Variants in WDR75 observed in about 807,000 individuals in gnomAD.
The protein encoded by WDR75 is WD repeat domain 75, also known as WD repeat-containing protein 75.
In WDR75, 52 loss-of-function variants were observed where a neutral mutation model predicts 106.1. The observed-to-expected ratio is 0.49, with a 90% CI of 0.39 to 0.62. The LOEUF is 0.62. WDR75 is among the 20% of genes least tolerant of loss of function. The pLI is 0.00. For synonymous variants in WDR75, 333 were observed against 335.5 expected, an observed-to-expected ratio of 0.99 and a Z score of 0.08; for missense variants, 905 against 970.3, an observed-to-expected ratio of 0.93 and a Z score of 0.89.
intron 4 of WDR75, among the ~76,000 whole-genome samples, chr2:189,454,635 C>T (rs1686695878): frequency 6.6e-6 from 1 of 151,940 alleles, no homozygotes; most frequent in Admixed American, 6.5e-5. Flanking sequence ...CATTCTCCTG[C>T]CTCAGCCTCC....
intron 8 of WDR75, among the ~76,000 whole-genome samples, chr2:189,461,182 C>T (rs76412171): frequency 0.02 from 2,971 of 152,142 alleles, 99 homozygotes; most frequent in African/African-American, 0.068. Context: ...TCTTTAAAAC[C>T]AGTTGTTTTA....
At chr2:189,455,563 A>C in intron 5 of WDR75, 119 bp downstream of exon 5, 1 of 1,307,966 alleles carries the variant, frequency 7.6e-7, no homozygotes, top group Non-Finnish European at 1.0e-6. Context: ...TATTTGTATT[A>C]GTAACTAAGA....
chr2:189,468,583 T>G lies in WDR75; in HGVS notation c.1723+14T>G. On this transcript the variant is annotated intron_variant, in intron 15 of 20. Coordinates refer to ENST00000314761, the MANE Select transcript of WDR75 (RefSeq NM_032168.3). The stretch of plus-strand genomic sequence containing the variant: ...TGAGCTGTGCATGTAAGATATTTTT[T>G]ACTCTAAAGTGATCTGGCAAAGCGC... 1 of 1,612,306 alleles carries G rather than the reference T, an allele frequency of 6.2e-7. No individual in the cohort carries two copies. The highest frequency in any genetic ancestry group is 8.5e-7 in the Non-Finnish European group (1 of 1,178,588).
chr2:189,448,383 A>G lies in WDR75; in HGVS notation c.91A>G (p.Ile31Val). 1.2e-6 allele frequency: 2 copies of G among 1,612,780 alleles called. No homozygotes were observed. Among genetic ancestry groups the G allele is most frequent in the Non-Finnish European group, 1.7e-6 (2 of 1,179,358 alleles). ...RAVFSADSKYIFCVSGDFVKV... is the reference protein window; with the variant it reads ...RAVFSADSKYVFCVSGDFVKV... The stretch of plus-strand genomic sequence containing the variant: ...TTTTCTTTCTTTTTTTTCCAGGTAT[A>G]TCTTCTGTGTCTCTGGAGACTTTGT... The change falls in exon 2 of 21, where the codon ATC (isoleucine) becomes GTC (valine). Residue 31 changes from isoleucine (I) to valine (V), a missense_variant. Ile to Val is a conservative substitution (Grantham distance 29). Transcript: ENST00000314761.
intron 18 of WDR75, among the ~76,000 whole-genome samples, chr2:189,471,534 T>G (rs1006977818): frequency 4.6e-5 from 7 of 152,232 alleles, no homozygotes; most frequent in African/African-American, 1.7e-4. Context: ...TTTTTTCATT[T>G]GCTTAGTTTT....
At chr2:189,451,094 A>G (rs1424706283) in intron 3 of WDR75, 126 bp downstream of exon 3, 1 of 1,213,684 alleles carries the variant, frequency 8.2e-7, no homozygotes, top group Non-Finnish European at 1.1e-6. Context: ...ACAAAATAAC[A>G]TCAAAAAAAT....
intron 4 of WDR75, among the ~76,000 whole-genome samples, chr2:189,454,375 C>T (rs952369503): frequency 1.1e-4 from 17 of 152,042 alleles, no homozygotes; most frequent in Non-Finnish European, 1.8e-4. Context: ...TATGGCAGGC[C>T]CATCATAGCA....
intron 4 of WDR75, 39 bp from the exon 5 acceptor site, chr2:189,455,281 C>A: frequency 6.3e-7 from 1 of 1,599,926 alleles, no homozygotes; most frequent in East Asian, 2.2e-5. Flanking sequence ...TTTGCTCTCT[C>A]TAGAGAAGCT....
intron 2 of WDR75, chr2:189,449,120 T>A: frequency 3.3e-6 from 2 of 606,578 alleles, no homozygotes; most frequent in Non-Finnish European, 5.1e-6. Flanking sequence ...TTTCTTAGTA[T>A]TTAAGAATAA....
At chr2:189,449,346 TAAATG>T in intron 2 of WDR75, 1 of 1,296,366 alleles carries the variant, frequency 7.7e-7, no homozygotes, top group Non-Finnish European at 1.0e-6. Context: ...TTTCCAAAAT[TAAATG>T]AGCTACTTCT....
At chr2:189,458,651 C>A in intron 6 of WDR75, 102 bp from the exon 7 acceptor site, 1 of 1,003,670 alleles carries the variant, frequency 1.0e-6, no homozygotes, top group Non-Finnish European at 1.4e-6. Context: ...CTGAGCTCTA[C>A]AATTTTGGTT....
chr2:189,470,732 C>A, intron 17 of WDR75, 87 bp from the exon 18 acceptor site: 2 of 909,214 alleles, frequency 2.2e-6, no homozygotes, highest in Non-Finnish European at 3.1e-6. Context: ...AAAAATTTGA[C>A]CTTCTCATTT....
At chr2:189,448,618 T>C in intron 2 of WDR75, 110 bp downstream of exon 2, 1 of 1,401,652 alleles carries the variant, frequency 7.1e-7, no homozygotes, top group African/African-American at 1.4e-5. Flanking sequence ...AAATATTTGC[T>C]TATTTTCAGT....
intron 18 of WDR75, among the ~76,000 whole-genome samples, 185 bp downstream of exon 18, chr2:189,471,063 A>G (rs1182794969): frequency 5.9e-5 from 9 of 152,134 alleles, no homozygotes; most frequent in Non-Finnish European, 4.4e-5. Context: ...TTAATTTATA[A>G]TATCAGTAAT....
Position 189,441,756 on chromosome 2 carries a change from A to G in WDR75, c.86+178A>G, listed in dbSNP as rs116451322. The stretch of plus-strand genomic sequence containing the variant: ...CTGGGAGGTCCCGTTACCACTGCAG[A>G]TTGGGTTGCGTCCCCCGATTCCTGG... On this transcript the variant is annotated intron_variant, in intron 1 of 20. Coordinates refer to ENST00000314761, the MANE Select transcript of WDR75 (RefSeq NM_032168.3). 9.9e-3 allele frequency among the ~76,000 whole-genome samples: 1,498 copies of G among 151,998 alleles called. 29 individuals carry two copies. The highest frequency in any genetic ancestry group is 0.034 in the African/African-American group (1,403 of 41,438).
chr2:189,449,047 A>G (rs990986368), intron 2 of WDR75, among the ~76,000 whole-genome samples: 11 of 152,174 alleles, frequency 7.2e-5, no homozygotes, highest in African/African-American at 2.4e-4. Flanking sequence ...AGTTAGTTTC[A>G]AGACAAATTT....
chr2:189,449,665 C>T (rs951501985), intron 2 of WDR75: 22 of 1,003,942 alleles, frequency 2.2e-5, no homozygotes, highest in Non-Finnish European at 2.6e-5. Context: ...TTAGGAGTCA[C>T]AGTGTTTGTG....
At chr2:189,458,465 A>G (rs1271162870) in intron 6 of WDR75, among the ~76,000 whole-genome samples, 1 of 152,236 alleles carries the variant, frequency 6.6e-6, no homozygotes, top group Admixed American at 6.5e-5. Context: ...GGCCAAAAAA[A>G]AATCACTAAA....
intron 1 of WDR75, among the ~76,000 whole-genome samples, chr2:189,443,245 A>G (rs1200829899): frequency 6.6e-6 from 1 of 152,232 alleles, no homozygotes; most frequent in East Asian, 1.9e-4. Flanking sequence ...TGCTGAGCAA[A>G]TGACATTTGT....
Sources: allele counts gnomAD v4.1 joint callset (sites outside exome capture counted in the v4.1 genomes callset), GRCh38; gene constraint gnomAD v4.1.1; transcripts MANE v1.5; gene names NCBI Gene and HGNC (gene_info 2026-07-23, HGNC 2026-07-21).